Variants in MAPK10 observed in about 807,000 individuals in gnomAD.
MAPK10 encodes JNK3 alpha protein kinase.
Under a neutral mutation model 59.3 loss-of-function variants are expected in MAPK10, and 25 were observed. That is an observed-to-expected ratio of 0.42 (90% CI 0.31 to 0.59). MAPK10 has a LOEUF of 0.59. Among genes scored for constraint, MAPK10 ranks in the 20% least tolerant of loss-of-function variants. MAPK10 has a pLI of 0.15. For missense variants in MAPK10, 351 were observed against 568.9 expected (o/e 0.62, Z 3.90); for synonymous variants, 190 against 200.5 (o/e 0.95, Z 0.44).
At chr4:86,038,626 G>A (rs1578970277) in intron 11 of MAPK10, among the ~76,000 whole-genome samples, 2 of 151,680 alleles carry the variant, frequency 1.3e-5, no homozygotes, top group East Asian at 3.9e-4. Context: ...AAAAATTTTG[G>A]TAAAATGACT....
intron 1 of MAPK10, among the ~76,000 whole-genome samples, chr4:86,389,715 T>C (rs1268966926): frequency 6.6e-6 from 1 of 152,216 alleles, no homozygotes; most frequent in Non-Finnish European, 1.5e-5. Flanking sequence ...ATAGTTTTCA[T>C]ATATATCAAA....
At chr4:86,131,876 T>G (rs1002483679) in intron 4 of MAPK10, among the ~76,000 whole-genome samples, 7 of 152,128 alleles carry the variant, frequency 4.6e-5, no homozygotes, top group Non-Finnish European at 1.0e-4. Flanking sequence ...CCAAAATGCT[T>G]GATAAAAGCC....
At chr4:86,328,480 A>G (rs1037769142) in intron 2 of MAPK10, among the ~76,000 whole-genome samples, 2 of 152,162 alleles carry the variant, frequency 1.3e-5, no homozygotes, top group African/African-American at 4.8e-5. Flanking sequence ...ATACCACGTG[A>G]CCCAGCAATC....
chr4:86,320,805 C>T (rs1215137594), intron 2 of MAPK10, among the ~76,000 whole-genome samples: 1 of 152,064 alleles, frequency 6.6e-6, no homozygotes, highest in East Asian at 1.9e-4. Context: ...ACGTTTAAGT[C>T]TTTAATCCAT....
At chr4:86,591,954 T>C (rs151125082) in intron 1 of MAPK10, among the ~76,000 whole-genome samples, 1 of 151,960 alleles carries the variant, frequency 6.6e-6, no homozygotes, top group African/African-American at 2.4e-5. Flanking sequence ...TAGTATAACA[T>C]ATATATATAT....
intron 8 of MAPK10, 57 bp from the exon 9 acceptor site, chr4:86,098,652 A>T: frequency 7.6e-7 from 1 of 1,307,340 alleles, no homozygotes; most frequent in Non-Finnish European, 1.1e-6. Flanking sequence ...GTTAACTAAG[A>T]TAATTGACTT....
intron 1 of MAPK10, among the ~76,000 whole-genome samples, chr4:86,579,803 T>C (rs929354637): frequency 6.6e-6 from 1 of 152,076 alleles, no homozygotes; most frequent in Admixed American, 6.5e-5. Flanking sequence ...CAGATGTATG[T>C]TTTCTATGTT....
intron 1 of MAPK10, among the ~76,000 whole-genome samples, chr4:86,467,988 A>T (rs1752354798): frequency 6.6e-6 from 1 of 152,184 alleles, no homozygotes; most frequent in African/African-American, 2.4e-5. Flanking sequence ...TCTTTGCCTC[A>T]TAAATGATTA....
chr4:86,184,902 C>T (rs12508286), intron 3 of MAPK10, among the ~76,000 whole-genome samples: 12,917 of 152,118 alleles, frequency 0.085, 1,219 homozygotes, highest in African/African-American at 0.23. Context: ...CCTAATACAC[C>T]GACCCTATGT....
intron 2 of MAPK10, among the ~76,000 whole-genome samples, chr4:86,313,675 A>G (rs1175941186): frequency 6.6e-6 from 1 of 152,158 alleles, no homozygotes. Flanking sequence ...TATCTATACA[A>G]CCAGAATAAT....
Position 86,012,141 on chromosome 4 carries a change from C to A in MAPK10, c.*5087G>T, listed in dbSNP as rs571603838. 6.6e-6 allele frequency: 1 copy of A among 152,158 alleles called. No individual in the cohort carries two copies. The highest frequency in any genetic ancestry group is 2.1e-4 in the South Asian group (1 of 4,818). The allele number at this position is 152,158 out of a possible 1,614,324, so 9.4% of individuals were successfully genotyped here. A position where few individuals can be genotyped will look rare whatever the true frequency, so the allele number is the denominator to read the frequency against. The stretch of plus-strand genomic sequence containing the variant: ...CTTTTTTTTCTTCATTGATTTTATA[C>A]CTTAAAAAGAAATTACTGAATTGCA... On this transcript the variant is annotated 3_prime_UTR_variant, in exon 14 of 14. Coordinates refer to ENST00000641462, the MANE Select transcript of MAPK10 (RefSeq NM_138982.4).
At chr4:86,034,248 A>C (rs1487166593) in intron 11 of MAPK10, among the ~76,000 whole-genome samples, 1 of 152,182 alleles carries the variant, frequency 6.6e-6, no homozygotes, top group East Asian at 1.9e-4. Context: ...AAAGACTGTA[A>C]ACTTCTTTCA....
At chr4:86,024,717 G>GTT (rs1749323227) in intron 13 of MAPK10, 1 of 152,194 alleles carries the variant, frequency 6.6e-6, no homozygotes, top group African/African-American at 2.4e-5. Context: ...TAGTGAAACT[G>GTT]TTAAGCTATT....
chr4:86,297,996 T>C (rs1281505599), intron 2 of MAPK10, among the ~76,000 whole-genome samples: 2 of 152,202 alleles, frequency 1.3e-5, no homozygotes, highest in Admixed American at 6.5e-5. Flanking sequence ...TGTGCTTCTG[T>C]GTGTTTCCAT....
intron 1 of MAPK10, among the ~76,000 whole-genome samples, chr4:86,493,679 C>G (rs192310218): frequency 6.6e-6 from 1 of 152,190 alleles, no homozygotes; most frequent in African/African-American, 2.4e-5. Flanking sequence ...ACCCCACTTC[C>G]TCATGCTTTT....
chr4:86,542,673 G>T (rs918215965), intron 1 of MAPK10: 2 of 154,280 alleles, frequency 1.3e-5, no homozygotes, highest in African/African-American at 4.8e-5. Context: ...CCCTAGCTCA[G>T]GTTCCAACTG....
At chr4:86,068,256 A>G (rs1579525645) in intron 9 of MAPK10, among the ~76,000 whole-genome samples, 1 of 152,336 alleles carries the variant, frequency 6.6e-6, no homozygotes, top group African/African-American at 2.4e-5. Context: ...GATGAATCTC[A>G]TATTCTGCAG....
intron 1 of MAPK10, among the ~76,000 whole-genome samples, chr4:86,473,895 A>G (rs925367327): frequency 3.9e-5 from 6 of 152,170 alleles, no homozygotes; most frequent in African/African-American, 1.4e-4. Context: ...CATGCCTGTA[A>G]TCTCAGCACT....
At chr4:86,372,349 T>G (rs1459739551) in intron 1 of MAPK10, among the ~76,000 whole-genome samples, 1 of 151,858 alleles carries the variant, frequency 6.6e-6, no homozygotes, top group East Asian at 1.9e-4. Context: ...AAACCCTGTC[T>G]TTACTAAAAT....
Sources: gnomAD v4.1 joint callset for allele counts (sites outside exome capture counted in the v4.1 genomes callset) on GRCh38, gnomAD v4.1.1 for gene constraint, MANE v1.5 for transcripts, NCBI Gene and HGNC (gene_info 2026-07-23, HGNC 2026-07-21) for gene names.